The following NOTCH2NLR variants were observed in gnomAD, a reference collection of about 807,000 sequenced individuals.
NOTCH2NLR encodes notch 2 N-terminal like R.
Under a neutral mutation model 35.6 loss-of-function variants are expected in NOTCH2NLR, and 33 were observed. That is an observed-to-expected ratio of 0.93 (90% confidence interval 0.70 to 1.24). The LOEUF (loss-of-function observed/expected upper bound fraction) is 1.24, where lower values mean the gene tolerates loss of function less well. Among genes scored for constraint, NOTCH2NLR ranks in the 50% most tolerant of loss-of-function variants. NOTCH2NLR has a pLI of 0.00. For missense variants in NOTCH2NLR, 276 were observed against 362.2 expected, an observed-to-expected ratio of 0.76 and a Z score of 1.93; for synonymous variants, 103 against 141.0, an observed-to-expected ratio of 0.73 and a Z score of 1.91.
chr1:120,794,417 CA>C (rs1471255773), downstream of NOTCH2NLR, among the ~76,000 whole-genome samples: 2 of 114,700 alleles, frequency 1.7e-5, no homozygotes, highest in Admixed American at 8.4e-5. Context: ...TGTTTTTATA[CA>C]AATATCCTTA....
In NOTCH2NLR at chr1:120,791,428, A is replaced by G. The variant is rs1375895735; in HGVS notation, c.416-1733A>G. On this transcript the variant is annotated intron_variant, in intron 3 of 4. Coordinates refer to ENST00000624419, the Ensembl canonical transcript of NOTCH2NLR. ...TCCATCAATGATAGACTGGATTAAG[A>G]AAATGTGGCACATATACACCATGGA... Among the ~76,000 whole-genome samples the G allele has an allele frequency of 6.5e-5, 7 of 107,464 alleles. 1 individual carries two copies. The highest frequency in any genetic ancestry group is 1.2e-4 in the Non-Finnish European group (7 of 58,002). 70.5% of individuals were successfully genotyped at this position (107,464 alleles called of 152,430 possible). A position where few individuals can be genotyped will look rare whatever the true frequency, so the allele number is the denominator to read the frequency against.
exon 1 of NOTCH2NLR, chr1:120,724,193 C>G: frequency 7.1e-7 from 1 of 1,399,772 alleles, no homozygotes; most frequent in East Asian, 2.4e-5. Flanking sequence ...CGCCCTGCGT[C>G]CCGCTCTGCT....
intron 2 of NOTCH2NLR, among the ~76,000 whole-genome samples, chr1:120,781,408 A>G (rs2101445495): frequency 3.9e-5 from 1 of 25,704 alleles, no homozygotes; most frequent in East Asian, 7.4e-4. Flanking sequence ...AACATGTGTT[A>G]AGCCTTTTTC....
At chr1:120,727,400 A>G (rs1456277557) in intron 1 of NOTCH2NLR, among the ~76,000 whole-genome samples, 1 of 115,250 alleles carries the variant, frequency 8.7e-6, no homozygotes, top group Admixed American at 8.3e-5. Context: ...CTGACTCAAG[A>G]ATTTTAAAAT....
Position 120,790,685 on chromosome 1 carries a change from C to T in NOTCH2NLR, c.416-2476C>T, listed in dbSNP as rs1402037134. ...CGCAGTCTCGGCTCACTGCAACCTC[C>T]ACCTCTTGGGTTCGAGTGATTCTTG... is the stretch of plus-strand genomic sequence containing the variant. On this transcript the variant is annotated intron_variant, in intron 3 of 4. Coordinates refer to ENST00000624419, the Ensembl canonical transcript of NOTCH2NLR. 4.5e-5 allele frequency among the ~76,000 whole-genome samples: 5 copies of T among 109,976 alleles called. 1 individual carries two copies. The highest frequency in any genetic ancestry group is 8.5e-5 in the Non-Finnish European group (5 of 58,722). The allele number at this position is 109,976 out of a possible 152,430, so 72.1% of individuals were successfully genotyped here. A position where few individuals can be genotyped will look rare whatever the true frequency, so the allele number is the denominator to read the frequency against.
intron 1 of NOTCH2NLR, among the ~76,000 whole-genome samples, chr1:120,724,718 C>CAG (rs1650799018): frequency 8.1e-6 from 1 of 123,684 alleles, no homozygotes; most frequent in Non-Finnish European, 1.6e-5. Flanking sequence ...GCCAGCCTCG[C>CAG]CTTTGCCAGG....
rs1651347235 is a variant in NOTCH2NLR, at chr1:120,780,152, A to G, written c.156-4822A>G. Among the ~76,000 whole-genome samples the G allele has an allele frequency of 6.9e-5, 8 of 115,980 alleles. 1 individual carries two copies. In the South Asian group the frequency reaches 1.6e-3, roughly 23 times the overall value. The allele number at this position is 115,980 out of a possible 152,430, so 76.1% of individuals were successfully genotyped here. On this transcript the variant is annotated intron_variant, in intron 2 of 4. Transcript: ENST00000624419. ...CTTAGTGGGGTTTAGGTACTCAGGT[A>G]TTCAGGGAACCTACACCAAGGGTTC...
chr1:120,790,664 G>T (rs1282448058), intron 3 of NOTCH2NLR, among the ~76,000 whole-genome samples: 1 of 107,022 alleles, frequency 9.3e-6, no homozygotes, highest in Non-Finnish European at 1.7e-5. Flanking sequence ...CAGTGGCGCA[G>T]TCTCGGCTCA....
At position 120,766,062 on chromosome 1, in the gene NOTCH2NLR, A is replaced by G. The variant is rs1408253836; in HGVS notation, c.155+2353A>G. Among the ~76,000 whole-genome samples, 4 of 38,590 alleles carry G rather than the reference A, an allele frequency of 1.0e-4. 1 individual carries two copies. Among genetic ancestry groups the G allele is most frequent in the Non-Finnish European group, 1.9e-4 (4 of 21,308 alleles). The allele number at this position is 38,590 out of a possible 152,430, so 25.3% of individuals were successfully genotyped here. A position where few individuals can be genotyped will look rare whatever the true frequency, so the allele number is the denominator to read the frequency against. On this transcript the variant is annotated intron_variant, in intron 2 of 4. Transcript: ENST00000624419. ...CTTAAAACCTGGATGACGGGTTGAT[A>G]GGTGCAGCAAACCACCATGGCACAT...
downstream of NOTCH2NLR, among the ~76,000 whole-genome samples, chr1:120,794,412 T>C (rs1394927830): frequency 8.7e-6 from 1 of 114,722 alleles, no homozygotes; most frequent in Non-Finnish European, 1.7e-5. Flanking sequence ...GATCCTGTTT[T>C]TATACAAATA....
chr1:120,724,014 C>T (rs1221069298), exon 1 of NOTCH2NLR: 2 of 1,232,960 alleles, frequency 1.6e-6, no homozygotes, highest in Non-Finnish European at 1.0e-6. Flanking sequence ...GGAGTCGAGG[C>T]ATTTGCACCT....
At chr1:120,764,241 C>T (rs1438592025) in intron 2 of NOTCH2NLR, among the ~76,000 whole-genome samples, 2,446 of 112,588 alleles carry the variant, frequency 0.022, 575 homozygotes, top group Admixed American at 0.029. Context: ...AGCAAGACTC[C>T]GTCTCAAAAA....
chr1:120,777,659 CT>C (rs1222639788), intron 2 of NOTCH2NLR, among the ~76,000 whole-genome samples: 42,142 of 54,790 alleles, frequency 0.77, 17,492 homozygotes, highest in African/African-American at 0.88. Context: ...TTTTTTCTTT[CT>C]TTTTTTTTTG....
rs1481969432 is a variant in NOTCH2NLR, at chr1:120,788,018, TG to T, written c.415+2786del. ...GCCTTCAGCAAACACCTCAGCAGGT[TG>T]TGTTTTTTTTTTTTTCCTGATGGAG... On this transcript the variant is annotated intron_variant, in intron 3 of 4. Transcript: ENST00000624419. Among the ~76,000 whole-genome samples the T allele has an allele frequency of 4.0e-4, 14 of 35,060 alleles. 4 individuals are homozygous for T. In the African/African-American group the frequency reaches 4.4e-3, roughly 11 times the overall value. The allele number at this position is 35,060 out of a possible 152,430, so 23.0% of individuals were successfully genotyped here.
rs1185481543 is a variant in NOTCH2NLR at position 120,743,774 on chromosome 1, A to G, written c.73+19524A>G. ...AAGCCTGCATTCCAGAAGTTCTGGT[A>G]TGGATAGTGTGAGCCCAGGGAATGT... On this transcript the variant is annotated intron_variant, in intron 1 of 4. Transcript: ENST00000624419. 3.2e-5 allele frequency among the ~76,000 whole-genome samples: 4 copies of G among 125,032 alleles called. 1 individual carries two copies. The highest frequency in any genetic ancestry group is 6.6e-5 in the Non-Finnish European group (4 of 60,374). The allele number at this position is 125,032 out of a possible 152,430, so 82.0% of individuals were successfully genotyped here.
At position 120,728,007 on chromosome 1, in the gene NOTCH2NLR, G is replaced by C. The variant is rs1387076892; in HGVS notation, c.73+3757G>C. The stretch of plus-strand genomic sequence containing the variant: ...GGTCCTCCATTTTCTGATGTTCATT[G>C]TTCATGGTCACAGAGCCAATTAGAG... On this transcript the variant is annotated intron_variant, in intron 1 of 4. Transcript: ENST00000624419. 1.7e-5 allele frequency among the ~76,000 whole-genome samples: 2 copies of C among 118,938 alleles called. 1 individual carries two copies. The highest frequency in any genetic ancestry group is 9.5e-5 in the African/African-American group (2 of 20,946). The allele number at this position is 118,938 out of a possible 152,430, so 78.0% of individuals were successfully genotyped here.
intron 1 of NOTCH2NLR, among the ~76,000 whole-genome samples, chr1:120,728,905 A>G (rs1405955020): frequency 3.7e-5 from 4 of 109,378 alleles, no homozygotes; most frequent in Non-Finnish European, 6.8e-5. Flanking sequence ...AGAGAATCAC[A>G]TGGTGTTGAG....
In NOTCH2NLR at chr1:120,788,021, G is replaced by GT. The variant is rs1250769667; in HGVS notation, c.415+2801dup. Among the ~76,000 whole-genome samples the GT allele has an allele frequency of 9.8e-4, 65 of 66,172 alleles. 5 individuals carry two copies. The highest frequency in any genetic ancestry group is 8.8e-3 in the East Asian group (25 of 2,834). 43.4% of individuals were successfully genotyped at this position (66,172 alleles called of 152,430 possible). On this transcript the variant is annotated intron_variant, in intron 3 of 4. Transcript: ENST00000624419. ...TTCAGCAAACACCTCAGCAGGTTGT[G>GT]TTTTTTTTTTTTTCCTGATGGAGAG...
chr1:120,764,255 A>T (rs1651164915), intron 2 of NOTCH2NLR, among the ~76,000 whole-genome samples: 1 of 111,998 alleles, frequency 8.9e-6, no homozygotes, highest in East Asian at 2.1e-4. Flanking sequence ...TCAAAAAGAA[A>T]TAAAAAAAAT....
Sources: allele counts gnomAD v4.1 joint callset (sites outside exome capture counted in the v4.1 genomes callset), GRCh38; gene constraint gnomAD v4.1.1; transcripts MANE v1.5; gene names NCBI Gene and HGNC (gene_info 2026-07-23, HGNC 2026-07-21).